RSF1: variants seen among roughly 807,000 people sequenced by gnomAD.
The protein encoded by RSF1 is remodeling and spacing factor 1, also known as HBV pX-associated protein 8.
Under a neutral mutation model 145.2 loss-of-function variants are expected in RSF1, and 13 were observed. The observed-to-expected ratio is 0.09, with a 90% CI of 0.06 to 0.14. The LOEUF is 0.14. Among genes scored for constraint, RSF1 ranks in the 10% least tolerant of loss-of-function variants. RSF1 has a pLI of 1.00. For synonymous variants in RSF1, 577 were observed against 592.6 expected, an observed-to-expected ratio of 0.97 and a Z score of 0.38; for missense variants, 1,517 against 1,718.2, an observed-to-expected ratio of 0.88 and a Z score of 2.07.
chr11:77,802,620 T>G (rs993350504), intron 1 of RSF1, among the ~76,000 whole-genome samples: 1 of 152,204 alleles, frequency 6.6e-6, no homozygotes, highest in Admixed American at 6.5e-5. Context: ...CTCAGCCTAC[T>G]GCAATCTCCG....
At chr11:77,746,724 C>T (rs1041094442) in intron 3 of RSF1, among the ~76,000 whole-genome samples, 9 of 152,072 alleles carry the variant, frequency 5.9e-5, no homozygotes, top group African/African-American at 1.9e-4. Context: ...TTTAGTAAAT[C>T]GGTAAAAAAT....
chr11:77,740,042 TAA>T (rs1961470713), intron 4 of RSF1, among the ~76,000 whole-genome samples: 1 of 152,230 alleles, frequency 6.6e-6, no homozygotes, highest in Non-Finnish European at 1.5e-5. Context: ...ATGAACTGAA[TAA>T]ATTAAAATAA....
chr11:77,843,528 G>A, the RSF1 span, among the ~76,000 whole-genome samples: 152,254 of 152,286 alleles, frequency 1, 76,111 homozygotes, highest in Middle Eastern at 1. Context: ...TCTGCCTCAC[G>A]ATGGGGATGG....
At chr11:77,862,486 C>G in the RSF1 span, among the ~76,000 whole-genome samples, 1 of 152,124 alleles carries the variant, frequency 6.6e-6, no homozygotes, top group Admixed American at 6.6e-5. Context: ...TTCTCCTCCT[C>G]CCACCACTTG....
At chr11:77,800,775 C>A (rs1467662189) in intron 1 of RSF1, among the ~76,000 whole-genome samples, 1 of 152,134 alleles carries the variant, frequency 6.6e-6, no homozygotes, top group Non-Finnish European at 1.5e-5. Context: ...GATGGGAAGA[C>A]AGCTTGAGCC....
chr11:77,700,900 T>G lies in RSF1; in HGVS notation c.2329A>C (p.Arg777=). The change falls in exon 6 of 16, where the codon AGA becomes CGA. Residue 777 remains arginine, a synonymous_variant. Transcript: ENST00000308488. ...GTGGGTCTAGATATTCTTGGAGATC[T>G]TCTTAAAGTACGACCCACATTTGTT... ...EKTNVGRTLR[R]SPRISRPTAK... 6.2e-7 allele frequency: 1 copy of G among 1,613,852 alleles called. No individual in the cohort carries two copies. Among genetic ancestry groups the G allele is most frequent in the Non-Finnish European group, 8.5e-7 (1 of 1,180,018 alleles).
At chr11:77,746,677 G>GCTC (rs1320599308) in intron 3 of RSF1, among the ~76,000 whole-genome samples, 5 of 152,120 alleles carry the variant, frequency 3.3e-5, no homozygotes, top group African/African-American at 1.2e-4. Context: ...GAAATGACAT[G>GCTC]CTCCTAGTCA....
At chr11:77,849,762 ATCTT>A in the RSF1 span, among the ~76,000 whole-genome samples, 61 of 152,258 alleles carry the variant, frequency 4.0e-4, 3 homozygotes, top group East Asian at 0.012. Context: ...ACCTGTCATG[ATCTT>A]TCTTTCCTCT....
intron 11 of RSF1, among the ~76,000 whole-genome samples, chr11:77,679,565 T>TG (rs567988668): frequency 6.6e-6 from 1 of 151,116 alleles, no homozygotes; most frequent in South Asian, 2.1e-4. Flanking sequence ...TCCAGCTACT[T>TG]GGGGGGCCGA....
At chr11:77,806,221 T>C (rs1488830589) in intron 1 of RSF1, among the ~76,000 whole-genome samples, 1 of 151,050 alleles carries the variant, frequency 6.6e-6, no homozygotes, top group Non-Finnish European at 1.5e-5. Context: ...GGGGTGGGGC[T>C]CTTAGAAAAA....
Position 77,683,843 on chromosome 11 carries a change from T to C in RSF1, c.2956-24A>G, listed in dbSNP as rs185940320. On this transcript the variant is annotated intron_variant, in intron 10 of 15. Coordinates refer to ENST00000308488, the MANE Select transcript of RSF1 (RefSeq NM_016578.4). Reference sequence around the variant, plus strand: ...TCCTTAAAAAATATGATAATAAGCATAGAGGTTATTCCTTATGCAGAACAA... The same window carrying C: ...TCCTTAAAAAATATGATAATAAGCACAGAGGTTATTCCTTATGCAGAACAA... 1.6e-5 allele frequency: 24 copies of C among 1,537,988 alleles called. No homozygotes were observed. In the East Asian group the frequency reaches 2.7e-4, roughly 17 times the overall value.
chr11:77,817,492 G>A (rs1315852341), intron 1 of RSF1, among the ~76,000 whole-genome samples: 2 of 152,132 alleles, frequency 1.3e-5, no homozygotes, highest in African/African-American at 4.8e-5. Flanking sequence ...CTGGCAACCA[G>A]CAAATTTCGG....
chr11:77,714,842 T>TA lies in RSF1; in HGVS notation c.733+10702dup, dbSNP rs879594571. Among the ~76,000 whole-genome samples the TA allele has an allele frequency of 1.5e-3, 214 of 144,004 alleles. No individual in the cohort carries two copies. In the East Asian group the frequency reaches 0.015, roughly 10 times the overall value. 94.5% of individuals were successfully genotyped at this position (144,004 alleles called of 152,430 possible). A position where few individuals can be genotyped will look rare whatever the true frequency, so the allele number is the denominator to read the frequency against. Reference sequence around the variant, plus strand: ...GGAGACAGAGCATAAACCTTGTCTTTAAAAAAAAAAAAGGCTTACTCCTGT... The same window carrying TA: ...GGAGACAGAGCATAAACCTTGTCTTTAAAAAAAAAAAAAGGCTTACTCCTGT... On this transcript the variant is annotated intron_variant, in intron 5 of 15. Coordinates refer to ENST00000308488, the MANE Select transcript of RSF1 (RefSeq NM_016578.4).
chr11:77,803,155 T>C (rs951453090), intron 1 of RSF1, among the ~76,000 whole-genome samples: 1 of 151,768 alleles, frequency 6.6e-6, no homozygotes, highest in Admixed American at 6.6e-5. Context: ...AGAGAGTGAG[T>C]TGTTTGTTTT....
chr11:77,833,285 A>G, the RSF1 span, among the ~76,000 whole-genome samples: 1 of 152,036 alleles, frequency 6.6e-6, no homozygotes, highest in Non-Finnish European at 1.5e-5. Flanking sequence ...ACTGACCATA[A>G]TACAGAATCA....
chr11:77,794,926 C>T lies in RSF1; in HGVS notation c.187+25602G>A, dbSNP rs75286432. On this transcript the variant is annotated intron_variant, in intron 1 of 15. Transcript: ENST00000308488. ...AAGGAGGTCAAACTTTCCCTCTCTGCAGATGATATGACCCTGTAATTAGAA... is the reference window on the plus strand; with the variant it reads ...AAGGAGGTCAAACTTTCCCTCTCTGTAGATGATATGACCCTGTAATTAGAA... Among the ~76,000 whole-genome samples the T allele has an allele frequency of 3.3e-4, 51 of 152,312 alleles. No individual in the cohort carries two copies. In the East Asian group the frequency reaches 8.9e-3, roughly 27 times the overall value.
At chr11:77,711,123 A>AC (rs1960671874) in intron 5 of RSF1, among the ~76,000 whole-genome samples, 1 of 140,152 alleles carries the variant, frequency 7.1e-6, no homozygotes, top group South Asian at 2.3e-4. Context: ...ACCCCCCCTG[A>AC]CCCCCACACA....
chr11:77,741,284 T>C (rs1311504854), intron 3 of RSF1, among the ~76,000 whole-genome samples: 1 of 152,212 alleles, frequency 6.6e-6, no homozygotes, highest in African/African-American at 2.4e-5. Context: ...GGCTGACACC[T>C]GTAATCCCAG....
rs953674228 is a variant in RSF1 at position 77,661,987 on chromosome 11, C to T, written c.*4930G>A. 10 of 152,184 alleles carry T rather than the reference C, an allele frequency of 6.6e-5. No individual in the cohort carries two copies. The highest frequency in any genetic ancestry group is 2.0e-4 in the Admixed American group (3 of 15,284). The allele number at this position is 152,184 out of a possible 1,614,324, so 9.4% of individuals were successfully genotyped here. On this transcript the variant is annotated 3_prime_UTR_variant, in exon 16 of 16. Transcript: ENST00000308488. Reference sequence around the variant, plus strand: ...CAAGAAAATATATACTTAGGATTAACAATTCCATTCTTAACTTACATCATC... The same window carrying T: ...CAAGAAAATATATACTTAGGATTAATAATTCCATTCTTAACTTACATCATC...
Sources: allele counts gnomAD v4.1 joint callset (sites outside exome capture counted in the v4.1 genomes callset), GRCh38; gene constraint gnomAD v4.1.1; transcripts MANE v1.5; gene names NCBI Gene and HGNC (gene_info 2026-07-23, HGNC 2026-07-21).